Variants in BTBD2 observed in about 807,000 individuals in gnomAD.
The protein encoded by BTBD2 is BTB/POZ domain-containing protein 2.
BTBD2 carries 15 observed loss-of-function variants against 44.0 expected under a neutral mutation model. The ratio of observed to expected loss-of-function variants is 0.34; its 90% confidence interval spans 0.23 to 0.53. BTBD2 has a LOEUF of 0.53. BTBD2 is among the 20% of genes least tolerant of loss of function. The probability of loss-of-function intolerance (pLI) is 0.95; values close to 1 mark genes in which losing one functional copy is unlikely to be tolerated. For synonymous variants in BTBD2, 443 were observed against 335.9 expected, an observed-to-expected ratio of 1.32 and a Z score of -3.49; for missense variants, 657 against 746.4, an observed-to-expected ratio of 0.88 and a Z score of 1.39.
At chr19:1,998,851 T>G (rs1211918812) in intron 1 of BTBD2, among the ~76,000 whole-genome samples, 1 of 151,996 alleles carries the variant, frequency 6.6e-6, no homozygotes, top group African/African-American at 2.4e-5. Context: ...TCACAGACGC[T>G]CGGCCTGCGC....
chr19:1,999,917 A>G lies in BTBD2; in HGVS notation c.408-2454T>C, dbSNP rs546844195. Among the ~76,000 whole-genome samples, 22 of 150,430 alleles carry G rather than the reference A, an allele frequency of 1.5e-4. No homozygotes were observed. The East Asian group carries it at 2.9e-3, about 20-fold the overall frequency. Reference sequence around the variant, plus strand: ...GCGGAGGTTTCAGTGAGCCAAGATCACGCCATTGCACTCCTGCTTGGGTGA... The same window carrying G: ...GCGGAGGTTTCAGTGAGCCAAGATCGCGCCATTGCACTCCTGCTTGGGTGA... On this transcript the variant is annotated intron_variant, in intron 1 of 8. Transcript: ENST00000255608.
chr19:2,003,773 GA>G (rs55653804), intron 1 of BTBD2, among the ~76,000 whole-genome samples: 51,499 of 122,392 alleles, frequency 0.42, 9,796 homozygotes, highest in African/African-American at 0.53. Flanking sequence ...CTCCGTCAAA[GA>G]AAAAAAAAAA....
intron 1 of BTBD2, among the ~76,000 whole-genome samples, chr19:2,006,100 A>AG (rs1216032088): frequency 6.6e-6 from 1 of 152,056 alleles, no homozygotes; most frequent in Non-Finnish European, 1.5e-5. Flanking sequence ...AAAAAAAAAA[A>AG]AAAAATTTAA....
In BTBD2 at chr19:1,986,422, C is replaced by G; in HGVS notation, c.*66G>C. 6.3e-7 allele frequency: 1 copy of G among 1,588,868 alleles called. No individual in the cohort carries two copies. The highest frequency in any genetic ancestry group is 8.6e-7 in the Non-Finnish European group (1 of 1,162,668). ...GCACCGCGTGGTGGGGGGGCCCCAG[C>G]AGCAGATGATGGCCTGGGGCTGCGG... On this transcript the variant is annotated 3_prime_UTR_variant, in exon 9 of 9. Coordinates refer to ENST00000255608, the MANE Select transcript of BTBD2 (RefSeq NM_017797.4).
At chr19:1,987,022 A>G (rs1337353341) in intron 7 of BTBD2, 46 bp from the exon 8 acceptor site, 2 of 1,598,926 alleles carry the variant, frequency 1.3e-6, no homozygotes, top group African/African-American at 1.3e-5. Context: ...GGGAGGGCCA[A>G]CGGGGACCCC....
chr19:2,008,581 G>A (rs1370652953), intron 1 of BTBD2, among the ~76,000 whole-genome samples: 18 of 142,326 alleles, frequency 1.3e-4, no homozygotes, highest in Non-Finnish European at 3.0e-5. Flanking sequence ...GTGAGCCACT[G>A]TGCCCAGCTT....
At chr19:2,013,082 G>A (rs1287232625) in intron 1 of BTBD2, among the ~76,000 whole-genome samples, 2 of 152,222 alleles carry the variant, frequency 1.3e-5, no homozygotes, top group Admixed American at 1.3e-4. Context: ...GGAGGCCCCG[G>A]AACCCTCCAG....
In BTBD2 at chr19:1,987,563, C is replaced by G. The variant is rs149364482; in HGVS notation, c.1118G>C (p.Ser373Thr). 1.9e-6 allele frequency: 3 copies of G among 1,612,024 alleles called. No individual in the cohort carries two copies. The highest frequency in any genetic ancestry group is 2.2e-5 in the South Asian group (2 of 90,824). The stretch of plus-strand genomic sequence containing the variant: ...CTCCACCTGCTGGAAGCGGTTGATG[C>G]TGCACTCCTTCCCACGCAGGCAGCA... ...PRCCLRGKEC[S>T]INRFQQVESR... is the part of the protein sequence containing the mutation. The change falls in exon 6 of 9, where the codon AGC (serine) becomes ACC (threonine). Residue 373 changes from serine (S) to threonine (T), a missense_variant. By Grantham distance (58) the Ser-to-Thr change is moderately conservative. Transcript: ENST00000255608.
At chr19:2,013,553 C>T in intron 1 of BTBD2, 1 of 986,462 alleles carries the variant, frequency 1.0e-6, no homozygotes, top group Non-Finnish European at 1.2e-6. Flanking sequence ...CAACCTTCTG[C>T]AGAGTCCAGG....
intron 5 of BTBD2, among the ~76,000 whole-genome samples, chr19:1,989,069 C>T (rs2016135283): frequency 6.6e-6 from 1 of 152,186 alleles, no homozygotes; most frequent in Non-Finnish European, 1.5e-5. Context: ...TGAGCCACCA[C>T]ACCCAGCTGA....
In BTBD2 at chr19:1,987,607, C is replaced by G. The variant is rs1364380620; in HGVS notation, c.1074G>C (p.Glu358Asp). 6.2e-7 allele frequency: 1 copy of G among 1,612,866 alleles called. No individual in the cohort carries two copies. ...GGCAGCAGCGGGGCCGGTCAATGAA[C>G]TCCACTCGTGGCTTGGGGTTGACGG... ...HFTVNPKPRVEFIDRPRCCLR... is the reference protein window; with the variant it reads ...HFTVNPKPRVDFIDRPRCCLR... The change falls in exon 6 of 9, where the codon GAG becomes GAC. Residue 358 changes from glutamate (E) to aspartate (D), a missense_variant. Coordinates refer to ENST00000255608, the MANE Select transcript of BTBD2 (RefSeq NM_017797.4).
intron 1 of BTBD2, among the ~76,000 whole-genome samples, chr19:2,000,968 CAG>C (rs1329496537): frequency 2.0e-5 from 3 of 152,152 alleles, no homozygotes; most frequent in Admixed American, 6.6e-5. Flanking sequence ...AGGAGGTCCC[CAG>C]AGTCCTCAGA....
intron 1 of BTBD2, among the ~76,000 whole-genome samples, chr19:2,004,819 A>T (rs922217788): frequency 6.6e-6 from 1 of 151,484 alleles, no homozygotes; most frequent in Admixed American, 6.6e-5. Flanking sequence ...TCTCTACAAA[A>T]AAAAAATTAT....
chr19:2,007,602 G>A (rs548745599), intron 1 of BTBD2, among the ~76,000 whole-genome samples: 164 of 152,230 alleles, frequency 1.1e-3, no homozygotes, highest in African/African-American at 3.8e-3. Context: ...TTGGGAGGCC[G>A]GGGATAGCCT....
chr19:1,991,169 G>A (rs1599349289), intron 3 of BTBD2: 1 of 222,544 alleles, frequency 4.5e-6, no homozygotes, highest in South Asian at 5.6e-5. Flanking sequence ...ACCCCGAGTG[G>A]CAGGCAGAGG....
intron 2 of BTBD2, among the ~76,000 whole-genome samples, chr19:1,993,477 C>T (rs2016209079): frequency 6.6e-6 from 1 of 152,154 alleles, no homozygotes; most frequent in Non-Finnish European, 1.5e-5. Context: ...CCGGGATGCC[C>T]CAGGAGAGGG....
intron 1 of BTBD2, among the ~76,000 whole-genome samples, chr19:2,011,523 C>T (rs1177910299): frequency 1.3e-5 from 2 of 152,192 alleles, no homozygotes; most frequent in African/African-American, 4.8e-5. Context: ...GGGCACTGCA[C>T]TCTCCATCAA....
chr19:2,007,364 C>A (rs549460767), intron 1 of BTBD2, among the ~76,000 whole-genome samples: 1 of 152,166 alleles, frequency 6.6e-6, no homozygotes. Context: ...TGTGCTGCTA[C>A]GGCAGAATTA....
intron 1 of BTBD2, among the ~76,000 whole-genome samples, chr19:2,012,717 G>C (rs905241872): frequency 6.6e-6 from 1 of 152,138 alleles, no homozygotes; most frequent in African/African-American, 2.4e-5. Flanking sequence ...CCTCTCCTGA[G>C]CCCCCCGGGG....
Sources: gnomAD v4.1 joint callset for allele counts (sites outside exome capture counted in the v4.1 genomes callset) on GRCh38, gnomAD v4.1.1 for gene constraint, MANE v1.5 for transcripts, NCBI Gene and HGNC (gene_info 2026-07-23, HGNC 2026-07-21) for gene names.